LOC122539214: variants seen among roughly 807,000 people sequenced by gnomAD.
chr19:52,655,587 T>C, the LOC122539214 span: 1 of 1,503,638 alleles, frequency 6.7e-7, no homozygotes, highest in Admixed American at 1.7e-5. Context: ...CCTGTAGTTC[T>C]CCAACATCAC....
At chr19:52,689,411 T>C in the LOC122539214 span, among the ~76,000 whole-genome samples, 75,164 of 149,916 alleles carry the variant, frequency 0.5, 18,663 homozygotes, top group Middle Eastern at 0.58. Flanking sequence ...TCTCTAGCAC[T>C]CCAGATCCCC....
At chr19:52,666,986 G>C in the LOC122539214 span, among the ~76,000 whole-genome samples, 122,465 of 152,170 alleles carry the variant, frequency 0.8, 50,010 homozygotes, top group African/African-American at 0.95. Context: ...CTTTAAAGTA[G>C]TTACAGAATC....
chr19:52,655,245 A>G, the LOC122539214 span: 97 of 286,080 alleles, frequency 3.4e-4, no homozygotes, highest in Admixed American at 4.3e-4. Context: ...AGTCACTGTC[A>G]TGCTTTCTAG....
the LOC122539214 span, among the ~76,000 whole-genome samples, chr19:52,653,679 A>T: frequency 6.6e-6 from 1 of 152,166 alleles, no homozygotes; most frequent in Non-Finnish European, 1.5e-5. Context: ...GAAGTCTATG[A>T]TGGCGTGTAA....
chr19:52,686,503 GA>G, the LOC122539214 span, among the ~76,000 whole-genome samples: 93,678 of 143,908 alleles, frequency 0.65, 30,383 homozygotes, highest in African/African-American at 0.73. Flanking sequence ...AAACCAGAAA[GA>G]AAAAAAAAAA....
the LOC122539214 span, among the ~76,000 whole-genome samples, chr19:52,681,280 C>CAAAAA: frequency 0.025 from 1,890 of 75,286 alleles, 135 homozygotes; most frequent in African/African-American, 0.078. Flanking sequence ...GAGACTTTCT[C>CAAAAA]AAAAAAAAAA....
At chr19:52,655,484 A>G in the LOC122539214 span, 4 of 1,318,552 alleles carry the variant, frequency 3.0e-6, no homozygotes, top group Non-Finnish European at 4.3e-6. Flanking sequence ...GCAAAATCAC[A>G]AAAGAGAATA....
At chr19:52,667,308 A>G in the LOC122539214 span, among the ~76,000 whole-genome samples, 4 of 152,046 alleles carry the variant, frequency 2.6e-5, no homozygotes, top group African/African-American at 9.7e-5. Flanking sequence ...AATAAATCAA[A>G]TGGTGGTTTA....
At chr19:52,689,429 C>T in the LOC122539214 span, among the ~76,000 whole-genome samples, 1 of 152,026 alleles carries the variant, frequency 6.6e-6, no homozygotes, top group Non-Finnish European at 1.5e-5. Flanking sequence ...CCCAGGTGTC[C>T]TCCCTGCTGT....
chr19:52,664,474 T>C, the LOC122539214 span, among the ~76,000 whole-genome samples: 1 of 151,728 alleles, frequency 6.6e-6, no homozygotes, highest in Admixed American at 6.6e-5. Flanking sequence ...CCAACCTGGG[T>C]GTCAAAGTGA....
chr19:52,654,529 A>G, the LOC122539214 span: 4 of 454,082 alleles, frequency 8.8e-6, no homozygotes, highest in Non-Finnish European at 1.5e-5. Flanking sequence ...ATGATCTTCA[A>G]AGTTTAAGAA....
chr19:52,680,758 GC>G, the LOC122539214 span, among the ~76,000 whole-genome samples: 4 of 136,998 alleles, frequency 2.9e-5, no homozygotes, highest in African/African-American at 1.3e-4. Flanking sequence ...GACTACAGGC[GC>G]CCGCCACTAC....
the LOC122539214 span, among the ~76,000 whole-genome samples, chr19:52,672,071 T>G: frequency 5.9e-5 from 9 of 151,980 alleles, no homozygotes; most frequent in Admixed American, 3.9e-4. Context: ...CCATCTGTAC[T>G]AAAAATACAA....
chr19:52,654,600 C>T, the LOC122539214 span, among the ~76,000 whole-genome samples: 5 of 151,990 alleles, frequency 3.3e-5, no homozygotes, highest in African/African-American at 1.2e-4. Context: ...GCCTGTAATC[C>T]CAGCTACTCA....
At chr19:52,679,613 AAAAT>A in the LOC122539214 span, among the ~76,000 whole-genome samples, 19 of 152,290 alleles carry the variant, frequency 1.2e-4, no homozygotes, top group East Asian at 7.7e-4. Flanking sequence ...TGTATCTCAA[AAAAT>A]AAATAAATAA....
chr19:52,686,510 AAAAAG>A, the LOC122539214 span, among the ~76,000 whole-genome samples: 2 of 151,170 alleles, frequency 1.3e-5, no homozygotes, highest in African/African-American at 2.4e-5. Flanking sequence ...AAAGAAAAAA[AAAAAG>A]AAATCTATTA....
chr19:52,665,290 C>T, the LOC122539214 span, among the ~76,000 whole-genome samples: 1 of 151,962 alleles, frequency 6.6e-6, no homozygotes, highest in Admixed American at 6.6e-5. Context: ...GTGGTGGGAG[C>T]CAGGAGTCCC....
the LOC122539214 span, among the ~76,000 whole-genome samples, chr19:52,682,496 C>T: frequency 6.6e-6 from 1 of 152,034 alleles, no homozygotes; most frequent in South Asian, 2.1e-4. Context: ...CATGGTGAAA[C>T]TCCATCTCTA....
At chr19:52,667,340 A>G in the LOC122539214 span, among the ~76,000 whole-genome samples, 3 of 152,134 alleles carry the variant, frequency 2.0e-5, no homozygotes, top group African/African-American at 7.2e-5. Context: ...GTTTGCAACA[A>G]TTCAGAAAGT....
Sources: allele counts gnomAD v4.1 joint callset (sites outside exome capture counted in the v4.1 genomes callset), GRCh38; gene constraint gnomAD v4.1.1; transcripts MANE v1.5.